ENPP1: variants seen among roughly 807,000 people sequenced by gnomAD.
The protein encoded by ENPP1 is ectonucleotide pyrophosphatase/phosphodiesterase 1.
A neutral mutation model predicts 122.8 loss-of-function variants in ENPP1; 73 were observed. The observed-to-expected ratio is 0.59, with a 90% CI of 0.49 to 0.72. The LOEUF (loss-of-function observed/expected upper bound fraction) is 0.72, where lower values mean the gene tolerates loss of function less well. Among genes scored for constraint, ENPP1 ranks in the 30% least tolerant of loss-of-function variants. ENPP1 has a pLI of 0.00. For synonymous variants in ENPP1, 367 were observed against 391.6 expected, an observed-to-expected ratio of 0.94 and a Z score of 0.74; for missense variants, 978 against 1,128.1, an observed-to-expected ratio of 0.87 and a Z score of 1.91.
At chr6:131,823,148 C>G (rs9402346) in intron 1 of ENPP1, among the ~76,000 whole-genome samples, 53,827 of 152,038 alleles carry the variant, frequency 0.35, 10,199 homozygotes, top group East Asian at 0.45. Context: ...AGAGTAGACC[C>G]TTGCTGGTAG....
chr6:131,838,790 T>C (rs1781706836), intron 1 of ENPP1, among the ~76,000 whole-genome samples: 1 of 151,844 alleles, frequency 6.6e-6, no homozygotes. Context: ...AGAACACAAA[T>C]AGAGATGCTG....
At chr6:131,819,947 T>A in intron 1 of ENPP1, 1 of 562,208 alleles carries the variant, frequency 1.8e-6, no homozygotes. Flanking sequence ...TTCTTTTTTT[T>A]TTTTTTCGCA....
At position 131,884,928 on chromosome 6, in the gene ENPP1, C is replaced by T. The variant is rs1332315941; in HGVS notation, c.2312-3C>T. On this transcript the variant is annotated splice_region_variant and splice_polypyrimidine_tract_variant and intron_variant, in intron 22 of 24. Coordinates refer to ENST00000647893, the MANE Select transcript of ENPP1 (RefSeq NM_006208.3). ...AACTACACTGGCTTCTATCTTGTTT[C>T]AGTTATATGGCGCTACTTTCATGAC... is the stretch of plus-strand genomic sequence containing the variant. 1 of 1,614,052 alleles carries T rather than the reference C, an allele frequency of 6.2e-7. No homozygotes were observed. The highest frequency in any genetic ancestry group is 8.5e-7 in the Non-Finnish European group (1 of 1,179,966).
intron 8 of ENPP1, among the ~76,000 whole-genome samples, chr6:131,861,153 A>G (rs528221498): frequency 9.2e-5 from 14 of 152,288 alleles, no homozygotes; most frequent in African/African-American, 3.1e-4. Flanking sequence ...CTGTTTTATC[A>G]TATCTATAAT....
At chr6:131,821,005 G>T (rs940245871) in intron 1 of ENPP1, among the ~76,000 whole-genome samples, 4 of 152,100 alleles carry the variant, frequency 2.6e-5, no homozygotes, top group Non-Finnish European at 4.4e-5. Context: ...GTTTTTTCTT[G>T]TTATTGTTGA....
In ENPP1 at chr6:131,850,024, A is replaced by C. The variant is rs779629624; in HGVS notation, c.348A>C (p.Thr116=). 1 of 1,614,050 alleles carries C rather than the reference A, an allele frequency of 6.2e-7. No individual in the cohort carries two copies. ...KSCKGRCFER[T]FGNCRCDAAC... ...GCAAAGGTCGCTGTTTCGAGAGAAC[A>C]TTTGGGAACTGTCGCTGTGATGCTG... Residue 116 remains threonine (T), a synonymous_variant, in exon 3 of 25, where the codon ACA becomes ACC. Coordinates refer to ENST00000647893, the MANE Select transcript of ENPP1 (RefSeq NM_006208.3).
chr6:131,842,715 C>T (rs1208162766), intron 1 of ENPP1, among the ~76,000 whole-genome samples: 1 of 152,126 alleles, frequency 6.6e-6, no homozygotes, highest in Non-Finnish European at 1.5e-5. Context: ...ATGCTTCCCC[C>T]GGCCAACTTC....
At position 131,860,523 on chromosome 6, in the gene ENPP1, T is replaced by C. The variant is rs1036592162; in HGVS notation, c.915+17T>C. ...GGAGAACCAGTGAGTTCTTTGTTTT[T>C]CTACTAAAATAGTTAATTATTCTCA... On this transcript the variant is annotated intron_variant, in intron 8 of 24. Transcript: ENST00000647893. 2 of 1,567,614 alleles carry C rather than the reference T, an allele frequency of 1.3e-6. No individual in the cohort carries two copies. Among genetic ancestry groups the C allele is most frequent in the African/African-American group, 2.7e-5 (2 of 73,746 alleles).
rs748167051 is a variant in ENPP1 at position 131,847,855 on chromosome 6, AGGTGTGTGTGTGTGTGT to A, written c.313+9_313+25del. ...CCAAGCTGTGCCAAAGAAGGTAATT[AGGTGTGTGTGTGTGTGT>A]GTGTGTGTGTGTGTGTGTGTGTATG... On this transcript the variant is annotated splice_region_variant and intron_variant, in intron 2 of 24. Coordinates refer to ENST00000647893, the MANE Select transcript of ENPP1 (RefSeq NM_006208.3). 34 of 1,497,166 alleles carry A rather than the reference AGGTGTGTGTGTGTGTGT, an allele frequency of 2.3e-5. No individual in the cohort carries two copies. The African/African-American group carries it at 4.7e-4, about 21-fold the overall frequency. The allele number at this position is 1,497,166 out of a possible 1,614,324, so 92.7% of individuals were successfully genotyped here.
chr6:131,830,171 G>T (rs1781592676), intron 1 of ENPP1, among the ~76,000 whole-genome samples: 2 of 152,140 alleles, frequency 1.3e-5, no homozygotes, highest in African/African-American at 4.8e-5. Flanking sequence ...AGTGCTCATT[G>T]GGTGTGATGC....
chr6:131,885,855 G>C (rs545378587), intron 23 of ENPP1, among the ~76,000 whole-genome samples: 4 of 152,166 alleles, frequency 2.6e-5, no homozygotes, highest in Non-Finnish European at 5.9e-5. Flanking sequence ...AGAGGATACA[G>C]AAGAGAACTG....
intron 1 of ENPP1, chr6:131,819,937 T>C: frequency 2.0e-6 from 1 of 502,648 alleles, no homozygotes; most frequent in South Asian, 1.6e-5. Context: ...TTTCCATAGC[T>C]TCTTTTTTTT....
chr6:131,878,943 G>A (rs182796551), intron 19 of ENPP1, among the ~76,000 whole-genome samples: 45 of 152,224 alleles, frequency 3.0e-4, no homozygotes, highest in African/African-American at 1.0e-3. Flanking sequence ...ATCTCACCTG[G>A]TTCTTAATCA....
chr6:131,840,299 T>A (rs962939193), intron 1 of ENPP1, among the ~76,000 whole-genome samples: 1 of 152,240 alleles, frequency 6.6e-6, no homozygotes, highest in Non-Finnish European at 1.5e-5. Flanking sequence ...CTCAGATTCC[T>A]TGCTCCTGCA....
At chr6:131,845,566 C>T (rs984662427) in intron 1 of ENPP1, among the ~76,000 whole-genome samples, 2 of 150,918 alleles carry the variant, frequency 1.3e-5, no homozygotes, top group East Asian at 2.0e-4. Context: ...AAGCGATTCT[C>T]CTGTCTAAGC....
intron 6 of ENPP1, 69 bp downstream of exon 6, chr6:131,855,092 T>G (rs1242055663): frequency 8.5e-7 from 1 of 1,175,126 alleles, no homozygotes; most frequent in Non-Finnish European, 1.3e-6. Flanking sequence ...AGGCAGTCTT[T>G]CTTGGAAAAG....
intron 7 of ENPP1, among the ~76,000 whole-genome samples, chr6:131,859,468 C>T (rs572492125): frequency 9.9e-5 from 15 of 151,756 alleles, no homozygotes; most frequent in Non-Finnish European, 2.1e-4. Flanking sequence ...TCACTGCAAC[C>T]TCCACCTCCC....
chr6:131,856,594 GT>G (rs1316583069), intron 6 of ENPP1, among the ~76,000 whole-genome samples: 3 of 143,622 alleles, frequency 2.1e-5, no homozygotes, highest in African/African-American at 8.8e-5. Context: ...CAATGCCTAG[GT>G]TTTCTTCTAG....
chr6:131,841,827 C>G (rs112174065), intron 1 of ENPP1, among the ~76,000 whole-genome samples: 2 of 152,142 alleles, frequency 1.3e-5, no homozygotes, highest in Admixed American at 1.3e-4. Context: ...AGCATCTCCT[C>G]GGTGAGGAGG....
Sources: allele counts gnomAD v4.1 joint callset (sites outside exome capture counted in the v4.1 genomes callset), GRCh38; gene constraint gnomAD v4.1.1; transcripts MANE v1.5; gene names NCBI Gene and HGNC (gene_info 2026-07-23, HGNC 2026-07-21).